FMN1: variants seen among roughly 807,000 people sequenced by gnomAD.
FMN1 encodes formin-1.
In FMN1, 110 loss-of-function variants were observed where a neutral mutation model predicts 132.4. The ratio of observed to expected loss-of-function variants is 0.83; its 90% CI spans 0.71 to 0.97. The LOEUF (loss-of-function observed/expected upper bound fraction) is 0.97. Among genes scored for constraint, FMN1 ranks in the 50% least tolerant of loss-of-function variants. The probability of loss-of-function intolerance (pLI) is 0.00; values close to 1 mark genes in which losing one functional copy is unlikely to be tolerated. For synonymous variants in FMN1, 722 were observed against 651.7 expected (o/e 1.11, Z -1.64); for missense variants, 1,792 against 1,705.3 (o/e 1.05, Z -0.90).
At chr15:32,780,965 A>C (rs1415603659) in intron 19 of FMN1, among the ~76,000 whole-genome samples, 1 of 152,222 alleles carries the variant, frequency 6.6e-6, no homozygotes, top group African/African-American at 2.4e-5. Flanking sequence ...AAGATACTCA[A>C]TAATTTCATG....
chr15:33,126,040 G>C (rs1055279561), intron 4 of FMN1, among the ~76,000 whole-genome samples: 2 of 152,156 alleles, frequency 1.3e-5, no homozygotes, highest in Non-Finnish European at 2.9e-5. Context: ...TCACAGTGCA[G>C]TTGTGAAAAA....
intron 19 of FMN1, among the ~76,000 whole-genome samples, chr15:32,779,523 A>G (rs2056596229): frequency 6.6e-6 from 1 of 152,070 alleles, no homozygotes; most frequent in African/African-American, 2.4e-5. Flanking sequence ...AAGCATGTAC[A>G]CTCTACGAGC....
intron 4 of FMN1, among the ~76,000 whole-genome samples, chr15:33,108,503 C>T (rs2039571774): frequency 6.6e-6 from 1 of 151,268 alleles, no homozygotes. Flanking sequence ...AGGTAGATAA[C>T]ATAATTCTCT....
At chr15:33,043,497 ATC>A (rs1194610975) in intron 6 of FMN1, among the ~76,000 whole-genome samples, 2 of 152,180 alleles carry the variant, frequency 1.3e-5, no homozygotes, top group Non-Finnish European at 2.9e-5. Context: ...CTGCGCAAGA[ATC>A]TCTCTAAATC....
intron 5 of FMN1, among the ~76,000 whole-genome samples, chr15:33,071,256 G>T (rs1463053357): frequency 6.6e-6 from 1 of 152,184 alleles, no homozygotes; most frequent in Non-Finnish European, 1.5e-5. Flanking sequence ...AGGAAAAAAT[G>T]GAGAGAGAGG....
At chr15:33,091,118 T>C (rs2038886769) in intron 4 of FMN1, among the ~76,000 whole-genome samples, 1 of 152,176 alleles carries the variant, frequency 6.6e-6, no homozygotes, top group South Asian at 2.1e-4. Flanking sequence ...ATATAAAACA[T>C]AACATATATA....
chr15:32,898,958 G>C, intron 14 of FMN1, 65 bp from the exon 15 acceptor site: 1 of 1,113,342 alleles, frequency 9.0e-7, no homozygotes, highest in South Asian at 1.3e-5. Context: ...ACACGGTTGA[G>C]AGGTGAAATC....
intron 10 of FMN1, among the ~76,000 whole-genome samples, chr15:32,915,717 G>A (rs1378738807): frequency 1.3e-5 from 2 of 152,232 alleles, no homozygotes; most frequent in Non-Finnish European, 2.9e-5. Context: ...TGTCAGAAAG[G>A]TGAAGTGTCA....
intron 9 of FMN1, among the ~76,000 whole-genome samples, chr15:32,935,956 TAAATGGATC>T (rs1487689227): frequency 6.6e-6 from 1 of 152,110 alleles, no homozygotes; most frequent in East Asian, 1.9e-4. Context: ...TTTGCTCCTC[TAAATGGATC>T]ATTTCAAACG....
At chr15:33,117,131 C>A (rs551947548) in intron 4 of FMN1, among the ~76,000 whole-genome samples, 76 of 152,140 alleles carry the variant, frequency 5.0e-4, no homozygotes, top group African/African-American at 1.8e-3. Flanking sequence ...AGCTTAAGAA[C>A]AATGGAGGAT....
chr15:32,840,740 G>GGC (rs1390826713), intron 17 of FMN1, among the ~76,000 whole-genome samples: 2 of 152,178 alleles, frequency 1.3e-5, no homozygotes, highest in African/African-American at 4.8e-5. Flanking sequence ...GTACAAACAT[G>GGC]AGAGGAAGCT....
chr15:32,798,367 G>A (rs1167440917), intron 19 of FMN1, among the ~76,000 whole-genome samples: 4 of 151,756 alleles, frequency 2.6e-5, no homozygotes, highest in South Asian at 4.1e-4. Flanking sequence ...GGGCTTCCAC[G>A]CTGTGTGAAG....
intron 6 of FMN1, among the ~76,000 whole-genome samples, chr15:33,046,853 G>A (rs1162227730): frequency 6.6e-6 from 1 of 151,988 alleles, no homozygotes; most frequent in African/African-American, 2.4e-5. Context: ...TAGTCAAGCT[G>A]TAGCCAATCT....
chr15:32,900,149 T>C (rs1158800922), intron 13 of FMN1, 24 bp from the exon 14 acceptor site: 13 of 1,612,796 alleles, frequency 8.1e-6, no homozygotes, highest in African/African-American at 1.3e-5. Flanking sequence ...CACCAGTTAT[T>C]ACGGAGCTGA....
chr15:33,070,502 T>C (rs927402929), intron 5 of FMN1, among the ~76,000 whole-genome samples: 9 of 151,430 alleles, frequency 5.9e-5, no homozygotes, highest in Non-Finnish European at 8.8e-5. Flanking sequence ...ATGGAACAGA[T>C]GCTGGAAGGG....
rs542042877 is a variant in FMN1, at chr15:32,845,935, A to G, written c.3928+11080T>C. Among the ~76,000 whole-genome samples, 6 of 151,838 alleles carry G rather than the reference A, an allele frequency of 4.0e-5. 1 individual carries two copies. In the South Asian group the frequency reaches 1.3e-3, roughly 32 times the overall value. ...TTCATAATGACACTGTGTACTAGAT[A>G]TTACTATTCCCATTTTACAGACAAG... is the stretch of plus-strand genomic sequence containing the variant. On this transcript the variant is annotated intron_variant, in intron 17 of 20. Transcript: ENST00000616417.
intron 5 of FMN1, chr15:33,067,182 CCT>C (rs2037777027): frequency 6.2e-7 from 1 of 1,613,740 alleles, no homozygotes; most frequent in African/African-American, 1.3e-5. Context: ...TCTTCTCCCA[CCT>C]GGTCCTGGCT....
chr15:33,157,263 CAAAAAA>C, intron 3 of FMN1, among the ~76,000 whole-genome samples: 1 of 120,462 alleles, frequency 8.3e-6, no homozygotes, highest in South Asian at 2.8e-4. Context: ...GACTCCATCT[CAAAAAA>C]AAAAAAAAAA....
intron 6 of FMN1, among the ~76,000 whole-genome samples, chr15:33,025,635 T>C (rs1460782511): frequency 6.6e-6 from 1 of 152,190 alleles, no homozygotes; most frequent in Non-Finnish European, 1.5e-5. Flanking sequence ...TTATGCGGCG[T>C]TTGTTCTAAG....
Sources: allele counts gnomAD v4.1 joint callset (sites outside exome capture counted in the v4.1 genomes callset), GRCh38; gene constraint gnomAD v4.1.1; transcripts MANE v1.5; gene names NCBI Gene and HGNC (gene_info 2026-07-23, HGNC 2026-07-21).